GIT2: variants seen among roughly 807,000 people sequenced by gnomAD.
The protein encoded by GIT2 is GIT ArfGAP 2, also known as ARF GTPase-activating protein GIT2.
GIT2 carries 32 observed loss-of-function variants against 100.3 expected under a neutral mutation model. The ratio of observed to expected loss-of-function variants is 0.32; its 90% CI spans 0.24 to 0.43. GIT2 has a LOEUF of 0.43. Among genes scored for constraint, GIT2 ranks in the 20% least tolerant of loss-of-function variants. GIT2 has a pLI of 1.00. For missense variants in GIT2, 737 were observed against 975.1 expected, an observed-to-expected ratio of 0.76 and a Z score of 3.25; for synonymous variants, 353 against 364.1, an observed-to-expected ratio of 0.97 and a Z score of 0.35.
At chr12:109,974,135 C>T (rs1013916245) in intron 7 of GIT2, among the ~76,000 whole-genome samples, 3 of 152,206 alleles carry the variant, frequency 2.0e-5, no homozygotes, top group Non-Finnish European at 2.9e-5. Context: ...GCTTTGGCTG[C>T]ATCCCAGAAA....
At chr12:109,996,457 GGCAGGAGACT>G (rs1173969475), upstream of GIT2, 2 of 506,958 alleles carry the variant, frequency 3.9e-6, no homozygotes, top group Non-Finnish European at 7.0e-6. Flanking sequence ...CTTGAGTGAG[GGCAGGAGACT>G]GCCCGAGTAT....
rs1209069477 is a variant in GIT2, at chr12:109,947,723, T to C, written c.1393-219A>G. The C allele has an allele frequency of 7.6e-6, 4 of 526,460 alleles. No homozygotes were observed. Among genetic ancestry groups the C allele is most frequent in the Non-Finnish European group, 1.0e-5 (3 of 296,452 alleles). The allele number at this position is 526,460 out of a possible 1,614,324, so 32.6% of individuals were successfully genotyped here. A position where few individuals can be genotyped will look rare whatever the true frequency, so the allele number is the denominator to read the frequency against. On this transcript the variant is annotated intron_variant, in intron 14 of 19. Coordinates refer to ENST00000355312, the MANE Select transcript of GIT2 (RefSeq NM_057169.5). The surrounding 1 kb of genome is among the most constrained non-coding windows in gnomAD (Gnocchi z 4.3). Reference sequence around the variant, plus strand: ...ACGTAAGCAAATTAAATAGCTTCATTTCTGAATGTGGAAAAGTTGTGGTTT... The same window carrying C: ...ACGTAAGCAAATTAAATAGCTTCATCTCTGAATGTGGAAAAGTTGTGGTTT...
chr12:109,976,509 C>G (rs957702040), intron 7 of GIT2, among the ~76,000 whole-genome samples: 2 of 151,614 alleles, frequency 1.3e-5, no homozygotes, highest in Non-Finnish European at 2.9e-5. Flanking sequence ...TGGTTTTGAT[C>G]TCCTGACCTC....
At chr12:109,978,542 CT>C (rs1885626682) in intron 7 of GIT2, among the ~76,000 whole-genome samples, 1 of 152,190 alleles carries the variant, frequency 6.6e-6, no homozygotes, top group South Asian at 2.1e-4. Flanking sequence ...TCTTCCTACT[CT>C]TTTTTCCTCT....
intron 13 of GIT2, chr12:109,952,574 C>T (rs1369276802): frequency 1.9e-6 from 1 of 519,182 alleles, no homozygotes; most frequent in Admixed American, 1.9e-5. Flanking sequence ...ACCAGCTTCC[C>T]CTTAGATGCC....
At chr12:109,986,257 C>A (rs1324993197) in intron 4 of GIT2, among the ~76,000 whole-genome samples, 1 of 152,132 alleles carries the variant, frequency 6.6e-6, no homozygotes, top group East Asian at 1.9e-4. Context: ...AAACTTCAGG[C>A]CAAAATCCAT....
In GIT2 at chr12:109,933,794, T is replaced by A; in HGVS notation, c.2067+228A>T. On this transcript the variant is annotated intron_variant, in intron 19 of 19. Transcript: ENST00000355312. This position sits in a 1 kb window ranked among gnomAD's most constrained non-coding sequence, Gnocchi z 4.5. ...TTTTGTATTTTTAGTAGAGACAGGGTCTCTCCATGTTGGTCAGGCTGGCCT... is the reference window on the plus strand; with the variant it reads ...TTTTGTATTTTTAGTAGAGACAGGGACTCTCCATGTTGGTCAGGCTGGCCT... 2.1e-6 allele frequency: 1 copy of A among 472,066 alleles called. No homozygotes were observed. Among genetic ancestry groups the A allele is most frequent in the Non-Finnish European group, 3.9e-6 (1 of 257,444 alleles). 29.2% of individuals were successfully genotyped at this position (472,066 alleles called of 1,614,324 possible). A position where few individuals can be genotyped will look rare whatever the true frequency, so the allele number is the denominator to read the frequency against.
At chr12:109,983,086 T>C in intron 6 of GIT2, 1 of 293,082 alleles carries the variant, frequency 3.4e-6, no homozygotes, top group African/African-American at 2.2e-5. Flanking sequence ...GAGTACATTC[T>C]GTAATTCTTG....
chr12:109,960,958 A>T (rs1338718211), intron 11 of GIT2, among the ~76,000 whole-genome samples: 1 of 152,188 alleles, frequency 6.6e-6, no homozygotes, highest in Non-Finnish European at 1.5e-5. Flanking sequence ...AGTATCCTTT[A>T]TTATATATTT....
chr12:109,961,603 G>A lies in GIT2; in HGVS notation c.889+10C>T, dbSNP rs569852072. On this transcript the variant is annotated intron_variant, in intron 10 of 19. Coordinates refer to ENST00000355312, the MANE Select transcript of GIT2 (RefSeq NM_057169.5). Reference sequence around the variant, plus strand: ...ACAGAAGCTTATTAGATAAAGCCACGTCAAGTCACCTGCATCCGTCTCTCG... The same window carrying A: ...ACAGAAGCTTATTAGATAAAGCCACATCAAGTCACCTGCATCCGTCTCTCG... 2.7e-5 allele frequency: 43 copies of A among 1,572,114 alleles called. No homozygotes were observed. The highest frequency in any genetic ancestry group is 1.1e-4 in the East Asian group (5 of 44,716).
chr12:109,932,798 T>A lies in GIT2; in HGVS notation c.*180A>T. ...GCAAATAGGCACAAAATAAGGCAAG[T>A]GGGTTAAATAGTTGAAAATTGGTTA... On this transcript the variant is annotated 3_prime_UTR_variant, in exon 20 of 20. Coordinates refer to ENST00000355312, the MANE Select transcript of GIT2 (RefSeq NM_057169.5). The A allele has an allele frequency of 3.6e-6, 2 of 561,526 alleles. No homozygotes were observed. The highest frequency in any genetic ancestry group is 2.3e-5 in the South Asian group (1 of 44,428). The allele number at this position is 561,526 out of a possible 1,614,324, so 34.8% of individuals were successfully genotyped here. A position where few individuals can be genotyped will look rare whatever the true frequency, so the allele number is the denominator to read the frequency against.
chr12:109,958,483 T>A (rs1880174960), intron 12 of GIT2, among the ~76,000 whole-genome samples: 1 of 152,180 alleles, frequency 6.6e-6, no homozygotes, highest in South Asian at 2.1e-4. Context: ...CCTCAAATGA[T>A]CTGTCCGCCT....
intron 2 of GIT2, 118 bp downstream of exon 2, chr12:109,991,509 T>C (rs1888398227): frequency 2.7e-6 from 2 of 752,770 alleles, no homozygotes; most frequent in Non-Finnish European, 4.6e-6. Flanking sequence ...GCCATCTCTA[T>C]TCAATTATGA....
chr12:109,995,938 C>CGGAGGGAACG (rs1314385344), intron 1 of GIT2, among the ~76,000 whole-genome samples: 16 of 152,246 alleles, frequency 1.1e-4, no homozygotes, highest in East Asian at 9.7e-4. Context: ...TGGCCTAGGA[C>CGGAGGGAACG]GGAGGGAACG....
intron 2 of GIT2, 32 bp downstream of exon 2, chr12:109,991,595 T>C: frequency 2.5e-6 from 4 of 1,579,226 alleles, no homozygotes; most frequent in Non-Finnish European, 3.5e-6. Flanking sequence ...AAATGTAAAT[T>C]ACCAACTGTC....
At chr12:109,956,502 A>G (rs1441532720) in intron 12 of GIT2, among the ~76,000 whole-genome samples, 1 of 152,098 alleles carries the variant, frequency 6.6e-6, no homozygotes, top group African/African-American at 2.4e-5. Flanking sequence ...TGGTGACTCA[A>G]TTTTTTTCTC....
intron 4 of GIT2, among the ~76,000 whole-genome samples, chr12:109,984,398 C>T (rs753605296): frequency 1.3e-5 from 2 of 151,518 alleles, no homozygotes; most frequent in Non-Finnish European, 2.9e-5. Flanking sequence ...GGTGACAGAG[C>T]GAGACCCTGT....
rs535633332 is a variant in GIT2, at chr12:109,983,518, T to G, written c.493-15A>C. ...TTTCCTTTTTCCTAAGAATCATTAATAAAAAGTAGGCAAAAGAGCACATTA... is the reference window on the plus strand; with the variant it reads ...TTTCCTTTTTCCTAAGAATCATTAAGAAAAAGTAGGCAAAAGAGCACATTA... On this transcript the variant is annotated splice_polypyrimidine_tract_variant and intron_variant, in intron 5 of 19. Transcript: ENST00000355312. 9.9e-6 allele frequency: 16 copies of G among 1,612,650 alleles called. No individual in the cohort carries two copies. In the East Asian group the frequency reaches 1.3e-4, roughly 13 times the overall value.
At position 109,996,291 on chromosome 12, in the gene GIT2, G is replaced by C; in HGVS notation, c.-67C>G. Reference sequence around the variant, plus strand: ...CAGCAAAGGCGGCGGTGGCGGCGGCGCTTCCGCTCTAACGGGTCCCAGCTG... The same window carrying C: ...CAGCAAAGGCGGCGGTGGCGGCGGCCCTTCCGCTCTAACGGGTCCCAGCTG... On this transcript the variant is annotated 5_prime_UTR_variant, in exon 1 of 20. Transcript: ENST00000355312. The C allele has an allele frequency of 1.7e-6, 2 of 1,155,818 alleles. No individual in the cohort carries two copies. The highest frequency in any genetic ancestry group is 2.5e-6 in the Non-Finnish European group (2 of 809,716). 71.6% of individuals were successfully genotyped at this position (1,155,818 alleles called of 1,614,324 possible).
Sources: gnomAD v4.1 joint callset for allele counts (sites outside exome capture counted in the v4.1 genomes callset) on GRCh38, gnomAD v4.1.1 for gene constraint, Gnocchi (gnomAD v3.1) non-coding constraint, MANE v1.5 for transcripts, NCBI Gene and HGNC (gene_info 2026-07-23, HGNC 2026-07-21) for gene names.